The following TMC1 variants were observed in gnomAD, a reference collection of about 807,000 sequenced individuals.
The protein encoded by TMC1 is transmembrane channel-like protein 1.
In TMC1, 84 loss-of-function variants were observed where a neutral mutation model predicts 105.8. That is an observed-to-expected ratio of 0.79 (90% CI 0.67 to 0.95). The LOEUF is 0.95. Ranked by LOEUF, TMC1 falls within the 40% of genes least tolerant of loss-of-function variation. The pLI is 0.00. For synonymous variants in TMC1, 315 were observed against 311.5 expected (o/e 1.01, Z -0.12); for missense variants, 817 against 914.1 (o/e 0.89, Z 1.37).
intron 12 of TMC1, among the ~76,000 whole-genome samples, chr9:72,770,052 T>TG (rs1471574143): frequency 6.6e-6 from 1 of 152,112 alleles, no homozygotes; most frequent in Non-Finnish European, 1.5e-5. Context: ...GTCATGCACC[T>TG]GGGAGCTGGG....
At chr9:72,645,850 G>C (rs577357506) in intron 4 of TMC1, among the ~76,000 whole-genome samples, 3 of 152,232 alleles carry the variant, frequency 2.0e-5, no homozygotes, top group African/African-American at 7.2e-5. Flanking sequence ...ATGTAAAAAA[G>C]ACTGCATTGA....
intron 10 of TMC1, among the ~76,000 whole-genome samples, chr9:72,743,405 A>T: frequency 6.6e-6 from 1 of 150,828 alleles, no homozygotes; most frequent in East Asian, 1.9e-4. Flanking sequence ...AAATAAAAAT[A>T]AAAGTACAAA....
At chr9:72,542,684 C>G (rs1823698718) in intron 1 of TMC1, among the ~76,000 whole-genome samples, 1 of 151,112 alleles carries the variant, frequency 6.6e-6, no homozygotes, top group Admixed American at 6.6e-5. Context: ...AGCTTTCTTC[C>G]TTTGTTTTTT....
intron 23 of TMC1, among the ~76,000 whole-genome samples, chr9:72,833,060 A>G (rs1829067096): frequency 6.6e-6 from 1 of 152,148 alleles, no homozygotes. Context: ...AAAATTATTA[A>G]CTACAATGGA....
intron 23 of TMC1, among the ~76,000 whole-genome samples, chr9:72,835,105 TC>T (rs1165076933): frequency 2.0e-5 from 3 of 151,986 alleles, no homozygotes; most frequent in Non-Finnish European, 2.9e-5. Context: ...TCCCCTATTC[TC>T]CCCCTCCTTG....
At chr9:72,635,578 A>G (rs778971269) in intron 4 of TMC1, among the ~76,000 whole-genome samples, 1 of 152,232 alleles carries the variant, frequency 6.6e-6, no homozygotes, top group Non-Finnish European at 1.5e-5. Context: ...AAATCACACT[A>G]TCTCACATTA....
chr9:72,537,873 C>T (rs1427152805), intron 1 of TMC1, among the ~76,000 whole-genome samples: 1 of 152,090 alleles, frequency 6.6e-6, no homozygotes, highest in Non-Finnish European at 1.5e-5. Context: ...AAGAGGTTGG[C>T]TGGGCACTGT....
chr9:72,806,242 C>G (rs1389669916), intron 18 of TMC1, among the ~76,000 whole-genome samples: 2 of 143,658 alleles, frequency 1.4e-5, no homozygotes, highest in Non-Finnish European at 3.1e-5. Context: ...CCACCTCCCT[C>G]CCGGATGGGG....
intron 23 of TMC1, among the ~76,000 whole-genome samples, chr9:72,833,160 T>C (rs886439342): frequency 6.6e-5 from 10 of 152,192 alleles, no homozygotes; most frequent in Admixed American, 6.5e-5. Flanking sequence ...TATATTATTA[T>C]TTTGGTTAGG....
intron 14 of TMC1, 81 bp from the exon 15 acceptor site, chr9:72,789,042 T>C (rs1240434142): frequency 8.8e-6 from 12 of 1,360,330 alleles, no homozygotes; most frequent in Non-Finnish European, 1.1e-5. Flanking sequence ...AAAATAACTT[T>C]TGAGGTTTTG....
chr9:72,673,639 A>G (rs527879069), intron 5 of TMC1, among the ~76,000 whole-genome samples: 1 of 152,306 alleles, frequency 6.6e-6, no homozygotes, highest in Admixed American at 6.5e-5. Flanking sequence ...TAATATGATA[A>G]AAAACTCAGG....
At chr9:72,621,144 T>C (rs1430894135) in intron 3 of TMC1, among the ~76,000 whole-genome samples, 1 of 152,244 alleles carries the variant, frequency 6.6e-6, no homozygotes, top group African/African-American at 2.4e-5. Flanking sequence ...TGAGATACAA[T>C]ACAATCTGTA....
chr9:72,593,564 G>A (rs919867171), intron 2 of TMC1, among the ~76,000 whole-genome samples: 7 of 147,946 alleles, frequency 4.7e-5, no homozygotes, highest in Non-Finnish European at 8.9e-5. Flanking sequence ...GGCTAATTTC[G>A]TATTTTTAGT....
At chr9:72,745,835 A>C (rs1490437566) in intron 10 of TMC1, among the ~76,000 whole-genome samples, 1 of 152,104 alleles carries the variant, frequency 6.6e-6, no homozygotes, top group East Asian at 1.9e-4. Flanking sequence ...ATCTGTTGAA[A>C]TCTCTGGTTC....
intron 4 of TMC1, among the ~76,000 whole-genome samples, chr9:72,648,110 T>A (rs1226775082): frequency 6.6e-6 from 1 of 152,204 alleles, no homozygotes; most frequent in Non-Finnish European, 1.5e-5. Context: ...GGAGATTGAT[T>A]GCTATGTTGA....
intron 13 of TMC1, among the ~76,000 whole-genome samples, chr9:72,786,923 G>T (rs1275164967): frequency 6.6e-6 from 1 of 151,636 alleles, no homozygotes; most frequent in African/African-American, 2.4e-5. Context: ...GTCAATGACA[G>T]TGCAAAAACT....
chr9:72,684,009 A>AT (rs1826336562), intron 5 of TMC1, among the ~76,000 whole-genome samples: 1 of 151,674 alleles, frequency 6.6e-6, no homozygotes, highest in Non-Finnish European at 1.5e-5. Context: ...AGCAAGAGGT[A>AT]TATTAGTAAG....
intron 20 of TMC1, among the ~76,000 whole-genome samples, chr9:72,821,631 T>A (rs1214834233): frequency 6.6e-6 from 1 of 152,256 alleles, no homozygotes; most frequent in Non-Finnish European, 1.5e-5. Context: ...ACTTTATACT[T>A]TTCCAGGCTC....
chr9:72,836,110 C>A lies in TMC1; in HGVS notation c.*137C>A. ...CCCTTGATGGATTTTCAAGGTCATG[C>A]TGGCCAATTAAGGCATCATCAGTCC... On this transcript the variant is annotated 3_prime_UTR_variant, in exon 24 of 24. Transcript: ENST00000297784. 2 of 1,019,926 alleles carry A rather than the reference C, an allele frequency of 2.0e-6. No homozygotes were observed. The highest frequency in any genetic ancestry group is 3.1e-6 in the Non-Finnish European group (2 of 652,346). 63.2% of individuals were successfully genotyped at this position (1,019,926 alleles called of 1,614,324 possible).
Sources: allele counts gnomAD v4.1 joint callset (sites outside exome capture counted in the v4.1 genomes callset), GRCh38; gene constraint gnomAD v4.1.1; transcripts MANE v1.5; gene names NCBI Gene and HGNC (gene_info 2026-07-23, HGNC 2026-07-21).